The following KHDRBS2 variants were observed in gnomAD, a reference collection of about 807,000 sequenced individuals.
KHDRBS2 encodes KH domain-containing, RNA-binding, signal transduction-associated protein 2.
In KHDRBS2, 26 loss-of-function variants were observed where a neutral mutation model predicts 44.3. The ratio of observed to expected loss-of-function variants is 0.59; its 90% CI spans 0.43 to 0.81. KHDRBS2 has a LOEUF of 0.81. Among genes scored for constraint, KHDRBS2 ranks in the 40% least tolerant of loss-of-function variants. The pLI, the probability that KHDRBS2 is intolerant of heterozygous loss-of-function variation, is 0.00. For missense variants in KHDRBS2, 476 were observed against 433.1 expected (o/e 1.10, Z -0.88); for synonymous variants, 194 against 151.1 (o/e 1.28, Z -2.08).
At chr6:62,186,237 C>T (rs565859744) in intron 1 of KHDRBS2, among the ~76,000 whole-genome samples, 27 of 152,006 alleles carry the variant, frequency 1.8e-4, no homozygotes, top group Middle Eastern at 3.2e-3. Flanking sequence ...CATCACATTG[C>T]TTAGTTTAAA....
In KHDRBS2 at chr6:62,185,164, C is replaced by T. The variant is rs546924198; in HGVS notation, c.92-7852G>A. ...ATTGCATTGTTTTGATATTATTACA[C>T]CTCACATTTGTCTCCCTGTATTTTG... On this transcript the variant is annotated intron_variant, in intron 1 of 8. Transcript: ENST00000281156. Among the ~76,000 whole-genome samples the T allele has an allele frequency of 1.6e-4, 24 of 152,002 alleles. No individual in the cohort carries two copies. In the South Asian group the frequency reaches 5.0e-3, roughly 32 times the overall value.
intron 2 of KHDRBS2, among the ~76,000 whole-genome samples, chr6:62,062,949 C>A (rs1792393269): frequency 6.6e-6 from 1 of 150,562 alleles, no homozygotes; most frequent in Non-Finnish European, 1.5e-5. Flanking sequence ...AAGGGGATAT[C>A]ACCACCGATC....
intron 2 of KHDRBS2, among the ~76,000 whole-genome samples, chr6:62,076,146 G>A (rs755323837): frequency 4.0e-5 from 6 of 151,684 alleles, no homozygotes; most frequent in South Asian, 2.1e-4. Context: ...CTAGCATAGC[G>A]CAAACTGATT....
At chr6:62,223,936 T>C (rs977828300) in intron 1 of KHDRBS2, among the ~76,000 whole-genome samples, 1 of 152,188 alleles carries the variant, frequency 6.6e-6, no homozygotes, top group Non-Finnish European at 1.5e-5. Flanking sequence ...TTTTCCTGTC[T>C]TCTGAACCCT....
At chr6:61,890,883 T>C (rs541222334) in intron 6 of KHDRBS2, among the ~76,000 whole-genome samples, 2 of 152,314 alleles carry the variant, frequency 1.3e-5, no homozygotes, top group South Asian at 2.1e-4. Context: ...ATATTGATAG[T>C]TGATGTAGTG....
chr6:61,983,200 T>TTTCTTTC (rs1774250064), intron 3 of KHDRBS2, among the ~76,000 whole-genome samples: 2 of 46,038 alleles, frequency 4.3e-5, no homozygotes, highest in African/African-American at 9.4e-5. Context: ...GTTTTTTTCA[T>TTTCTTTC]TTTCTTTCTT....
At chr6:62,154,213 T>C (rs553957530) in intron 2 of KHDRBS2, among the ~76,000 whole-genome samples, 1 of 152,074 alleles carries the variant, frequency 6.6e-6, no homozygotes, top group Non-Finnish European at 1.5e-5. Context: ...AGCAGTGAAA[T>C]AACATGACCA....
chr6:61,817,368 A>C (rs1013312993), intron 6 of KHDRBS2, among the ~76,000 whole-genome samples: 14 of 152,114 alleles, frequency 9.2e-5, no homozygotes, highest in Non-Finnish European at 1.9e-4. Flanking sequence ...TGGTGTCAAA[A>C]TATCACATTA....
In KHDRBS2 at chr6:62,061,971, C is replaced by T. The variant is rs183932130; in HGVS notation, c.220-13977G>A. Among the ~76,000 whole-genome samples the T allele has an allele frequency of 3.3e-5, 5 of 151,972 alleles. No homozygotes were observed. In the East Asian group the frequency reaches 7.8e-4, roughly 24 times the overall value. On this transcript the variant is annotated intron_variant, in intron 2 of 8. Coordinates refer to ENST00000281156, the MANE Select transcript of KHDRBS2 (RefSeq NM_152688.4). ...TTTCTTCCAGTTGATCACATCGGCTCCTGAGGCTCCTGCATTCTTCACGTA... is the reference window on the plus strand; with the variant it reads ...TTTCTTCCAGTTGATCACATCGGCTTCTGAGGCTCCTGCATTCTTCACGTA...
intron 6 of KHDRBS2, among the ~76,000 whole-genome samples, chr6:61,886,445 T>C (rs1443476156): frequency 6.6e-6 from 1 of 152,126 alleles, no homozygotes. Flanking sequence ...TCGTTTTTCT[T>C]ACCCTCTTAG....
intron 7 of KHDRBS2, among the ~76,000 whole-genome samples, chr6:61,716,783 A>T (rs1203924507): frequency 6.6e-6 from 1 of 152,084 alleles, no homozygotes; most frequent in African/African-American, 2.4e-5. Flanking sequence ...TTCACCTACC[A>T]GTGAAACCAG....
intron 4 of KHDRBS2, among the ~76,000 whole-genome samples, chr6:61,930,481 T>C (rs1809800136): frequency 7.5e-6 from 1 of 133,620 alleles, no homozygotes; most frequent in Admixed American, 8.3e-5. Context: ...GTGTAGACTT[T>C]CTGAATGTAT....
the KHDRBS2 span, among the ~76,000 whole-genome samples, chr6:61,584,860 C>A: frequency 6.6e-6 from 1 of 151,204 alleles, no homozygotes; most frequent in Admixed American, 6.6e-5. Flanking sequence ...TGAAAACAAA[C>A]AAAAAAATTT....
intron 3 of KHDRBS2, among the ~76,000 whole-genome samples, chr6:62,033,935 A>T (rs896773593): frequency 6.6e-6 from 1 of 151,660 alleles, no homozygotes; most frequent in African/African-American, 2.4e-5. Context: ...AGAAAGAGAG[A>T]GAGAGAGAGA....
the KHDRBS2 span, among the ~76,000 whole-genome samples, chr6:61,624,908 G>C: frequency 6.6e-6 from 1 of 152,142 alleles, no homozygotes; most frequent in Non-Finnish European, 1.5e-5. Flanking sequence ...TCTTGCCAAG[G>C]AAAACAGCAG....
At chr6:61,574,505 G>T in the KHDRBS2 span, 1 of 966,922 alleles carries the variant, frequency 1.0e-6, no homozygotes, top group Non-Finnish European at 1.5e-6. Context: ...TAAAAATTTC[G>T]GCTGGGGCGA....
chr6:61,795,570 A>T (rs1255506485), intron 6 of KHDRBS2, among the ~76,000 whole-genome samples: 1 of 152,118 alleles, frequency 6.6e-6, no homozygotes, highest in Admixed American at 6.6e-5. Flanking sequence ...ATGTAAGAAG[A>T]AAAGGATGGT....
intron 7 of KHDRBS2, among the ~76,000 whole-genome samples, chr6:61,721,131 G>A (rs1353666546): frequency 1.3e-5 from 2 of 151,842 alleles, no homozygotes; most frequent in Non-Finnish European, 2.9e-5. Context: ...CTGTTCCATT[G>A]ATCTGTATCT....
chr6:62,104,398 C>A (rs537046161), intron 2 of KHDRBS2, among the ~76,000 whole-genome samples: 1 of 152,146 alleles, frequency 6.6e-6, no homozygotes, highest in East Asian at 1.9e-4. Context: ...CCCACTAACT[C>A]GTCATCTAGC....
Sources: gnomAD v4.1 joint callset for allele counts (sites outside exome capture counted in the v4.1 genomes callset) on GRCh38, gnomAD v4.1.1 for gene constraint, MANE v1.5 for transcripts, NCBI Gene and HGNC (gene_info 2026-07-23, HGNC 2026-07-21) for gene names.